The following AQR variants were observed in gnomAD, a reference collection of about 807,000 sequenced individuals.
The protein encoded by AQR is RNA helicase aquarius.
In AQR, 61 loss-of-function variants were observed where a neutral mutation model predicts 180.5. That is an observed-to-expected ratio of 0.34 (90% CI 0.28 to 0.42). The LOEUF (loss-of-function observed/expected upper bound fraction) is 0.42. Ranked by LOEUF, AQR falls within the 10% of genes least tolerant of loss-of-function variation. The pLI is 1.00. For missense variants in AQR, 1,281 were observed against 1,798.3 expected, an observed-to-expected ratio of 0.71 and a Z score of 5.20; for synonymous variants, 551 against 588.8, an observed-to-expected ratio of 0.94 and a Z score of 0.93.
chr15:34,883,630 A>G (rs1217290663), intron 26 of AQR, among the ~76,000 whole-genome samples: 1 of 152,220 alleles, frequency 6.6e-6, no homozygotes, highest in Non-Finnish European at 1.5e-5. Flanking sequence ...TCTAAAAGAT[A>G]CAAAGACAAG....
intron 17 of AQR, among the ~76,000 whole-genome samples, chr15:34,907,954 T>A (rs969059291): frequency 2.0e-5 from 3 of 152,172 alleles, no homozygotes; most frequent in Non-Finnish European, 4.4e-5. Flanking sequence ...CCTATATGTC[T>A]CTCTCCTTGC....
chr15:34,969,448 A>G (rs7164169), intron 1 of AQR, 91 bp downstream of exon 1: 973,191 of 1,318,426 alleles, frequency 0.74, 363,608 homozygotes, highest in South Asian at 0.77. Flanking sequence ...CCTCCTCCGG[A>G]CTCCTAAATC....
chr15:34,889,121 A>G (rs1893103584), intron 24 of AQR, among the ~76,000 whole-genome samples: 1 of 152,220 alleles, frequency 6.6e-6, no homozygotes, highest in African/African-American at 2.4e-5. Flanking sequence ...TGAATTCTGA[A>G]TTATTAGATT....
At chr15:34,952,780 T>C in intron 4 of AQR, 105 bp downstream of exon 4, 1 of 789,270 alleles carries the variant, frequency 1.3e-6, no homozygotes. Context: ...ATATAAATCT[T>C]CACAAATTTA....
intron 32 of AQR, among the ~76,000 whole-genome samples, chr15:34,864,076 G>C (rs1433970441): frequency 6.6e-6 from 1 of 152,172 alleles, no homozygotes; most frequent in African/African-American, 2.4e-5. Context: ...CAGAGAGACA[G>C]AGAGAACCAG....
Position 34,853,383 on chromosome 15 carries a change from G to C in AQR, c.*3409C>G, listed in dbSNP as rs754282368. 1.3e-5 allele frequency: 2 copies of C among 151,938 alleles called. No individual in the cohort carries two copies. The highest frequency in any genetic ancestry group is 2.9e-5 in the Non-Finnish European group (2 of 67,996). 9.4% of individuals were successfully genotyped at this position (151,938 alleles called of 1,614,324 possible). On this transcript the variant is annotated 3_prime_UTR_variant, in exon 35 of 35. Transcript: ENST00000156471. Reference sequence around the variant, plus strand: ...CAACAATATAGATGATTTGGGGGTGGGACAGTACAGAATTCAGAACTGATA... The same window carrying C: ...CAACAATATAGATGATTTGGGGGTGCGACAGTACAGAATTCAGAACTGATA...
At chr15:34,920,890 G>A (rs1003650265) in intron 13 of AQR, among the ~76,000 whole-genome samples, 5 of 151,770 alleles carry the variant, frequency 3.3e-5, no homozygotes, top group Non-Finnish European at 5.9e-5. Flanking sequence ...CCCGGGAGGC[G>A]GAGCTTGCAG....
At chr15:34,884,937 A>G (rs1566982076) in intron 25 of AQR, among the ~76,000 whole-genome samples, 1 of 152,350 alleles carries the variant, frequency 6.6e-6, no homozygotes, top group East Asian at 1.9e-4. Context: ...CTTTGGAGAA[A>G]AAAAGGCTCT....
chr15:34,860,541 A>G (rs796139253), intron 33 of AQR, among the ~76,000 whole-genome samples: 20 of 152,310 alleles, frequency 1.3e-4, no homozygotes, highest in African/African-American at 4.6e-4. Context: ...GTTTTAGTTT[A>G]CTATCTAATA....
chr15:34,941,865 ATATC>A, intron 7 of AQR, 143 bp downstream of exon 7: 1 of 429,952 alleles, frequency 2.3e-6, no homozygotes, highest in Non-Finnish European at 4.0e-6. Flanking sequence ...AATAAAAACT[ATATC>A]TATGAAAAGT....
At chr15:34,896,327 A>G (rs1893242708) in intron 22 of AQR, among the ~76,000 whole-genome samples, 1 of 152,236 alleles carries the variant, frequency 6.6e-6, no homozygotes, top group South Asian at 2.1e-4. Context: ...TACCCCATAA[A>G]TAAGTACAAT....
At chr15:34,888,101 T>C (rs1357196422) in intron 24 of AQR, among the ~76,000 whole-genome samples, 2 of 151,176 alleles carry the variant, frequency 1.3e-5, no homozygotes, top group South Asian at 2.1e-4. Flanking sequence ...AGTTCAAGAC[T>C]AGCCTGGCCA....
At chr15:34,903,799 T>C (rs1229567418) in intron 19 of AQR, among the ~76,000 whole-genome samples, 1 of 152,162 alleles carries the variant, frequency 6.6e-6, no homozygotes. Context: ...TTTAAAACTA[T>C]CCTTTACTAA....
chr15:34,951,399 TGC>T (rs1894229780), intron 4 of AQR, among the ~76,000 whole-genome samples: 1 of 151,998 alleles, frequency 6.6e-6, no homozygotes, highest in Non-Finnish European at 1.5e-5. Flanking sequence ...GTCAGCTGGG[TGC>T]GGTGGCTCAT....
intron 10 of AQR, among the ~76,000 whole-genome samples, chr15:34,934,027 G>A (rs934302691): frequency 6.6e-6 from 1 of 151,980 alleles, no homozygotes; most frequent in Non-Finnish European, 1.5e-5. Context: ...GGTCTGAGGT[G>A]GATCAGGAGG....
At chr15:34,961,178 G>C (rs1434065039) in intron 2 of AQR, among the ~76,000 whole-genome samples, 3 of 152,108 alleles carry the variant, frequency 2.0e-5, no homozygotes, top group African/African-American at 2.4e-5. Flanking sequence ...GCAAAACCCA[G>C]AGAGAAAATA....
At chr15:34,957,097 G>A (rs914985728) in intron 3 of AQR, among the ~76,000 whole-genome samples, 1 of 152,084 alleles carries the variant, frequency 6.6e-6, no homozygotes, top group Middle Eastern at 3.2e-3. Flanking sequence ...AAAATGCCGT[G>A]AGCACATAGC....
At chr15:34,909,292 AGCTGGG>A (rs1595793959) in intron 17 of AQR, among the ~76,000 whole-genome samples, 1 of 152,234 alleles carries the variant, frequency 6.6e-6, no homozygotes, top group African/African-American at 2.4e-5. Flanking sequence ...CTCACAGGAC[AGCTGGG>A]AGAAAAATAT....
intron 4 of AQR, among the ~76,000 whole-genome samples, chr15:34,950,301 T>G (rs954067125): frequency 7.2e-5 from 11 of 151,902 alleles, no homozygotes; most frequent in Admixed American, 5.9e-4. Flanking sequence ...TGTTGGCCAG[T>G]ATGGTCTCGA....
Sources: allele counts gnomAD v4.1 joint callset (sites outside exome capture counted in the v4.1 genomes callset), GRCh38; gene constraint gnomAD v4.1.1; transcripts MANE v1.5; gene names NCBI Gene and HGNC (gene_info 2026-07-23, HGNC 2026-07-21).